Variants in TRPM4 observed in about 807,000 individuals in gnomAD.
TRPM4 encodes the protein transient receptor potential cation channel subfamily M member 4.
A neutral mutation model predicts 135.6 loss-of-function variants in TRPM4; 124 were observed. The observed-to-expected ratio is 0.91, with a 90% CI of 0.79 to 1.06. TRPM4 has a LOEUF of 1.06. TRPM4 is among the 50% of genes least tolerant of loss of function. The pLI is 0.00. For missense variants in TRPM4, 1,658 were observed against 1,671.4 expected, an observed-to-expected ratio of 0.99 and a Z score of 0.14; for synonymous variants, 745 against 705.6, an observed-to-expected ratio of 1.06 and a Z score of -0.88.
chr19:49,189,345 T>C (rs991934686), intron 14 of TRPM4, among the ~76,000 whole-genome samples: 5 of 152,202 alleles, frequency 3.3e-5, no homozygotes, highest in Admixed American at 2.6e-4. Context: ...GAGAAACTCC[T>C]TGTGACCCTG....
chr19:49,204,705 AT>A (rs890600892), intron 20 of TRPM4, among the ~76,000 whole-genome samples: 11 of 148,832 alleles, frequency 7.4e-5, no homozygotes, highest in Admixed American at 4.0e-4. Flanking sequence ...TGTTTTTTTA[AT>A]TTTTTTTTTA....
chr19:49,179,150 G>A (rs1423334400), intron 9 of TRPM4, among the ~76,000 whole-genome samples: 2 of 151,836 alleles, frequency 1.3e-5, no homozygotes, highest in Non-Finnish European at 2.9e-5. Flanking sequence ...CCACCTCCCG[G>A]GTTCAAGCGA....
At chr19:49,166,644 G>A (rs924008283) in intron 3 of TRPM4, among the ~76,000 whole-genome samples, 4 of 138,272 alleles carry the variant, frequency 2.9e-5, no homozygotes, top group East Asian at 2.2e-4. Flanking sequence ...CTCTGTCCCC[G>A]TCTCTCCGGG....
At position 49,188,652 on chromosome 19, in the gene TRPM4, A is replaced by C; in HGVS notation, c.1755A>C (p.Ala585=). The change falls in exon 13 of 25, where the codon GCA becomes GCC. Residue 585 remains alanine (A), a synonymous_variant. Transcript: ENST00000252826. ...CTTTGTCTCTCCAGGGTTCCAATGC[A>C]GTTTCCTCAGCTCTTGGGGCCTGTT... ...AMYFWEMGSN[A]VSSALGACLL... The C allele has an allele frequency of 6.2e-7, 1 of 1,614,094 alleles. No individual in the cohort carries two copies. Among genetic ancestry groups the C allele is most frequent in the Non-Finnish European group, 8.5e-7 (1 of 1,180,034 alleles).
At chr19:49,201,918 A>G in intron 19 of TRPM4, 46 bp from the exon 20 acceptor site, 1 of 1,603,742 alleles carries the variant, frequency 6.2e-7, no homozygotes, top group Non-Finnish European at 8.5e-7. Flanking sequence ...TGTCTTTCTT[A>G]GGTCTCTGTC....
rs1318565516 is a variant in TRPM4, at chr19:49,164,680, C to CCG, written c.93-1360_93-1359insGC. 2.1e-5 allele frequency among the ~76,000 whole-genome samples: 3 copies of CCG among 143,486 alleles called. 1 individual carries two copies. Among genetic ancestry groups the CCG allele is most frequent in the African/African-American group, 5.2e-5 (2 of 38,712 alleles). The allele number at this position is 143,486 out of a possible 152,430, so 94.1% of individuals were successfully genotyped here. On this transcript the variant is annotated intron_variant, in intron 2 of 24. Coordinates refer to ENST00000252826, the MANE Select transcript of TRPM4 (RefSeq NM_017636.4). The stretch of plus-strand genomic sequence containing the variant: ...TACAGGCATGAGCCACTGCGCCCGG[C>CCG]CTCTTGCTTGCTTGCTTGCTTGCTT...
intron 20 of TRPM4, among the ~76,000 whole-genome samples, chr19:49,204,715 T>TA (rs1969080600): frequency 6.6e-6 from 1 of 151,690 alleles, no homozygotes; most frequent in South Asian, 2.1e-4. Flanking sequence ...ATTTTTTTTT[T>TA]ACTTTTATTT....
intron 2 of TRPM4, 27 bp from the exon 3 acceptor site, chr19:49,166,014 G>A (rs1967157632): frequency 1.3e-6 from 2 of 1,568,680 alleles, no homozygotes; most frequent in Non-Finnish European, 1.7e-6. Flanking sequence ...GCAGCCCTGG[G>A]TTCACGCTCC....
chr19:49,192,752 A>G (rs1247503783), intron 16 of TRPM4, among the ~76,000 whole-genome samples: 2 of 152,150 alleles, frequency 1.3e-5, no homozygotes, highest in Non-Finnish European at 2.9e-5. Context: ...TGGGTGATGG[A>G]ATAATCTGTA....
intron 12 of TRPM4, among the ~76,000 whole-genome samples, chr19:49,184,325 A>G (rs1968114029): frequency 6.6e-6 from 1 of 151,458 alleles, no homozygotes; most frequent in African/African-American, 2.4e-5. Flanking sequence ...CTTAGCTTCA[A>G]ATTCACTGAT....
intron 9 of TRPM4, among the ~76,000 whole-genome samples, chr19:49,180,424 TCTG>T (rs1316676284): frequency 7.2e-6 from 1 of 138,924 alleles, no homozygotes; most frequent in Admixed American, 7.6e-5. Context: ...TTTGTCATCA[TCTG>T]CTGTGTGTGT....
intron 20 of TRPM4, among the ~76,000 whole-genome samples, chr19:49,206,849 T>G (rs1280752061): frequency 6.6e-6 from 1 of 152,230 alleles, no homozygotes. Flanking sequence ...ATTTGGTAGT[T>G]TTCAGGCTAC....
chr19:49,181,537 T>TTC (rs1240050213), intron 10 of TRPM4, 76 bp downstream of exon 10: 1 of 973,796 alleles, frequency 1.0e-6, no homozygotes, highest in Non-Finnish European at 1.5e-6. Context: ...CTTCTTTTTT[T>TTC]TTTTTTTTTT....
rs762827140 is a variant in TRPM4, at chr19:49,190,691, G to A, written c.2133-5G>A. ...TTTCTTGCTCTGTGCTTCCCCCCTT[G>A]CTAGGAAATCAGAAGAGGAGCCCAC... On this transcript the variant is annotated splice_region_variant and splice_polypyrimidine_tract_variant and intron_variant, in intron 15 of 24. Transcript: ENST00000252826. 1.2e-6 allele frequency: 2 copies of A among 1,614,090 alleles called. No homozygotes were observed. Among genetic ancestry groups the A allele is most frequent in the South Asian group, 1.1e-5 (1 of 91,078 alleles).
In TRPM4 at chr19:49,181,399, G is replaced by T. The variant is rs899323752; in HGVS notation, c.1201G>T (p.Val401Leu). The change falls in exon 10 of 25, where the codon GTG (valine) becomes TTG (leucine). Residue 401 changes from valine to leucine, a missense_variant. Coordinates refer to ENST00000252826, the MANE Select transcript of TRPM4 (RefSeq NM_017636.4). Reference sequence around the variant, plus strand: ...CTACCTGGATGAGCTGCGTTTGGCTGTGGCTTGGAACCGCGTGGACATTGC... The same window carrying T: ...CTACCTGGATGAGCTGCGTTTGGCTTTGGCTTGGAACCGCGTGGACATTGC... ...SAYLDELRLA[V>L]AWNRVDIAQS... 6.2e-7 allele frequency: 1 copy of T among 1,614,028 alleles called. No homozygotes were observed. The highest frequency in any genetic ancestry group is 1.7e-5 in the Admixed American group (1 of 60,002).
intron 2 of TRPM4, among the ~76,000 whole-genome samples, chr19:49,163,713 T>G (rs1568454859): frequency 1.3e-5 from 2 of 152,206 alleles, no homozygotes; most frequent in Non-Finnish European, 2.9e-5. Context: ...CAGGCTGTTC[T>G]CAAACTCCTG....
chr19:49,210,265 ACCGCCTCAT>A lies in TRPM4; in HGVS notation c.3192_3200del (p.Leu1065_Arg1067del), dbSNP rs777842353. ...GATCTCTACTGGAAGGCGCAGCGTT[ACCGCCTCAT>A]CCGGGAATTCCACTCTCGGCCCGCG... On this transcript the variant is annotated inframe_deletion, in exon 21 of 25. Coordinates refer to ENST00000252826, the MANE Select transcript of TRPM4 (RefSeq NM_017636.4). The surrounding 1 kb of genome is among the most constrained non-coding windows in gnomAD (Gnocchi z 4.1). The A allele has an allele frequency of 6.2e-7, 1 of 1,614,194 alleles. No individual in the cohort carries two copies. The highest frequency in any genetic ancestry group is 2.2e-5 in the East Asian group (1 of 44,884).
At position 49,171,454 on chromosome 19, in the gene TRPM4, G is replaced by A; in HGVS notation, c.858+36G>A. On this transcript the variant is annotated intron_variant, in intron 7 of 24. Coordinates refer to ENST00000252826, the MANE Select transcript of TRPM4 (RefSeq NM_017636.4). This position sits in a 1 kb window ranked among gnomAD's most constrained non-coding sequence, Gnocchi z 4.7. ...CCGGATGCCCGGATCTAAGGGGGAA[G>A]GAGGGTTGGGGGCCAGGACTCCTGG... is the stretch of plus-strand genomic sequence containing the variant. 1 of 1,613,736 alleles carries A rather than the reference G, an allele frequency of 6.2e-7. No individual in the cohort carries two copies. Among genetic ancestry groups the A allele is most frequent in the Non-Finnish European group, 8.5e-7 (1 of 1,179,730 alleles).
At position 49,157,885 on chromosome 19, in the gene TRPM4, G is replaced by T; in HGVS notation, c.19G>T (p.Glu7Ter). The change falls in exon 1 of 25, where the codon GAG becomes TAG. Residue 7 changes from glutamate (E) to a stop codon, truncating the protein, a stop_gained. Coordinates refer to ENST00000252826, the MANE Select transcript of TRPM4 (RefSeq NM_017636.4). LOFTEE classifies it high-confidence loss of function. ...CGGCAGCATGGTGGTGCCGGAGAAGGAGCAGGTGAGCGCCGGACCAGGGTC... is the reference window on the plus strand; with the variant it reads ...CGGCAGCATGGTGGTGCCGGAGAAGTAGCAGGTGAGCGCCGGACCAGGGTC... MVVPEK[E>*]QSWIPKIFKK... is the part of the protein sequence containing the mutation. The T allele has an allele frequency of 6.5e-7, 1 of 1,535,154 alleles. No individual in the cohort carries two copies. The highest frequency in any genetic ancestry group is 8.7e-7 in the Non-Finnish European group (1 of 1,146,456).
Sources: gnomAD v4.1 joint callset for allele counts (sites outside exome capture counted in the v4.1 genomes callset) on GRCh38, gnomAD v4.1.1 for gene constraint, Gnocchi (gnomAD v3.1) non-coding constraint, MANE v1.5 for transcripts, NCBI Gene and HGNC (gene_info 2026-07-23, HGNC 2026-07-21) for gene names.